Variants in PPFIBP1 observed in about 807,000 individuals in gnomAD.
PPFIBP1 encodes PPFIB scaffold protein 1.
A neutral mutation model predicts 137.8 loss-of-function variants in PPFIBP1; 112 were observed. The observed-to-expected ratio is 0.81, with a 90% CI of 0.70 to 0.95. The LOEUF (loss-of-function observed/expected upper bound fraction) is 0.95, where lower values mean the gene tolerates loss of function less well. Among genes scored for constraint, PPFIBP1 ranks in the 40% least tolerant of loss-of-function variants. The pLI is 0.00. For synonymous variants in PPFIBP1, 378 were observed against 417.3 expected (o/e 0.91, Z 1.15); for missense variants, 1,083 against 1,196.6 (o/e 0.91, Z 1.40).
chr12:27,687,436 A>T lies in PPFIBP1; in HGVS notation c.2299A>T (p.Lys767Ter). The T allele has an allele frequency of 6.2e-7, 1 of 1,614,044 alleles. No homozygotes were observed. Among genetic ancestry groups the T allele is most frequent in the Non-Finnish European group, 8.5e-7 (1 of 1,179,922 alleles). Residue 767 changes from lysine (K) to a stop codon, truncating the protein, a stop_gained, in exon 25 of 30, where the codon AAA becomes TAA. Transcript: ENST00000228425. LOFTEE classifies it high-confidence loss of function. ...VVSVLHHLSI[K>*]RAIQVLRINN... is the part of the protein sequence containing the mutation. ...AAGTGTGCTACACCATCTCAGTATC[A>T]AAAGGGCCATCCAGGTCCTGAGGAT...
intron 2 of PPFIBP1, among the ~76,000 whole-genome samples, chr12:27,610,790 A>G (rs143773154): frequency 5.3e-5 from 8 of 152,260 alleles, no homozygotes; most frequent in African/African-American, 1.7e-4. Flanking sequence ...AAATATTGCT[A>G]TGATTTTGCT....
At chr12:27,658,265 C>T (rs931036363) in intron 9 of PPFIBP1, among the ~76,000 whole-genome samples, 1 of 152,126 alleles carries the variant, frequency 6.6e-6, no homozygotes, top group Non-Finnish European at 1.5e-5. Flanking sequence ...TTACCAGTGC[C>T]CACCAGCTAA....
intron 13 of PPFIBP1, among the ~76,000 whole-genome samples, chr12:27,667,913 G>A (rs959901044): frequency 2.6e-5 from 4 of 152,160 alleles, no homozygotes; most frequent in East Asian, 3.9e-4. Flanking sequence ...ACTTTGCATC[G>A]CCTGTTATGA....
At chr12:27,542,916 C>A (rs1180874571) in intron 1 of PPFIBP1, among the ~76,000 whole-genome samples, 1 of 152,182 alleles carries the variant, frequency 6.6e-6, no homozygotes, top group East Asian at 1.9e-4. Flanking sequence ...TTTTTGGCAT[C>A]ATTCATGGAG....
At chr12:27,578,937 T>C (rs6487614) in intron 2 of PPFIBP1, among the ~76,000 whole-genome samples, 118,922 of 152,152 alleles carry the variant, frequency 0.78, 47,003 homozygotes, top group Middle Eastern at 0.91. Context: ...AGTCACCTAG[T>C]CAGTGAGTGT....
chr12:27,683,318 G>A (rs146336162), intron 24 of PPFIBP1, among the ~76,000 whole-genome samples: 2,685 of 152,270 alleles, frequency 0.018, 84 homozygotes, highest in African/African-American at 0.061. Context: ...GCCTGCCTCG[G>A]CCTCCCAAAG....
At chr12:27,544,393 G>T (rs1260064662) in intron 1 of PPFIBP1, among the ~76,000 whole-genome samples, 1 of 152,196 alleles carries the variant, frequency 6.6e-6, no homozygotes, top group Non-Finnish European at 1.5e-5. Flanking sequence ...TGACAAATGG[G>T]ATCTAATTAA....
chr12:27,650,122 A>T lies in PPFIBP1; in HGVS notation c.584A>T (p.Asp195Val). The T allele has an allele frequency of 1.9e-6, 3 of 1,607,052 alleles. No individual in the cohort carries two copies. Among genetic ancestry groups the T allele is most frequent in the Non-Finnish European group, 2.6e-6 (3 of 1,173,894 alleles). Residue 195 changes from aspartate (D) to valine (V), a missense_variant, in exon 7 of 30, where the codon GAT becomes GTT. By Grantham distance (152) the Asp-to-Val change is radical. Coordinates refer to ENST00000228425, the MANE Select transcript of PPFIBP1 (RefSeq NM_003622.4). Reference sequence around the variant, plus strand: ...GAGAAGGACAGATTGGATTATGAAGATAAGTTCAGAGACACAGAGGTGAGT... The same window carrying T: ...GAGAAGGACAGATTGGATTATGAAGTTAAGTTCAGAGACACAGAGGTGAGT... ...AVEKDRLDYEDKFRDTEGLIQ... is the reference protein window; with the variant it reads ...AVEKDRLDYEVKFRDTEGLIQ...
At chr12:27,622,970 C>T (rs1464241447) in intron 2 of PPFIBP1, among the ~76,000 whole-genome samples, 1 of 152,134 alleles carries the variant, frequency 6.6e-6, no homozygotes, top group African/African-American at 2.4e-5. Flanking sequence ...AGAAGGTGCT[C>T]ATGTATAGGA....
At chr12:27,644,720 T>C (rs547431556) in intron 4 of PPFIBP1, among the ~76,000 whole-genome samples, 1 of 152,360 alleles carries the variant, frequency 6.6e-6, no homozygotes, top group East Asian at 1.9e-4. Context: ...GTTAACAATA[T>C]GAGCAGAATT....
chr12:27,529,175 C>T (rs1453201419), intron 1 of PPFIBP1, among the ~76,000 whole-genome samples: 6 of 152,192 alleles, frequency 3.9e-5, no homozygotes, highest in Non-Finnish European at 7.3e-5. Flanking sequence ...ACCACCATCA[C>T]GTTTGGGGCT....
chr12:27,663,407 A>T (rs1430148970), intron 11 of PPFIBP1, among the ~76,000 whole-genome samples: 1 of 152,222 alleles, frequency 6.6e-6, no homozygotes, highest in Non-Finnish European at 1.5e-5. Context: ...GTCCAAGAAG[A>T]TAATGGGGGT....
chr12:27,574,323 T>G (rs1333150700), intron 1 of PPFIBP1, among the ~76,000 whole-genome samples: 2 of 152,042 alleles, frequency 1.3e-5, no homozygotes, highest in Non-Finnish European at 1.5e-5. Flanking sequence ...GGAAACTTGG[T>G]GGGGGGTAAG....
chr12:27,650,221 G>T, intron 7 of PPFIBP1, 80 bp downstream of exon 7: 1 of 1,281,894 alleles, frequency 7.8e-7, no homozygotes, highest in Admixed American at 2.5e-5. Flanking sequence ...CATTCCTAGG[G>T]CAAAGTTGAA....
intron 11 of PPFIBP1, among the ~76,000 whole-genome samples, chr12:27,662,238 G>T (rs942748736): frequency 6.6e-6 from 1 of 152,224 alleles, no homozygotes; most frequent in Admixed American, 6.5e-5. Flanking sequence ...TCGAGACCAG[G>T]TTTGAAACAG....
At chr12:27,529,455 A>G (rs1944156660) in intron 1 of PPFIBP1, among the ~76,000 whole-genome samples, 1 of 152,144 alleles carries the variant, frequency 6.6e-6, no homozygotes, top group Non-Finnish European at 1.5e-5. Flanking sequence ...GCACTTTGGG[A>G]GGCTGAGGTG....
At chr12:27,563,277 TAAAAA>T (rs869044515) in intron 1 of PPFIBP1, among the ~76,000 whole-genome samples, 3 of 22,174 alleles carry the variant, frequency 1.4e-4, no homozygotes, top group East Asian at 1.4e-3. Flanking sequence ...CCATCTCTAC[TAAAAA>T]AAAAAAAAAA....
chr12:27,592,466 G>A (rs1055489749), intron 2 of PPFIBP1: 3 of 1,045,870 alleles, frequency 2.9e-6, no homozygotes, highest in Non-Finnish European at 4.2e-6. Context: ...GTCTATATAG[G>A]ATGTCCTAAT....
At chr12:27,577,857 T>C (rs548772040) in intron 1 of PPFIBP1, among the ~76,000 whole-genome samples, 1 of 152,276 alleles carries the variant, frequency 6.6e-6, no homozygotes, top group South Asian at 2.1e-4. Context: ...CTTTGTGCTA[T>C]AAAAATTAAT....
Sources: allele counts gnomAD v4.1 joint callset (sites outside exome capture counted in the v4.1 genomes callset), GRCh38; gene constraint gnomAD v4.1.1; transcripts MANE v1.5; gene names NCBI Gene and HGNC (gene_info 2026-07-23, HGNC 2026-07-21).